The following HTT-AS variants were observed in gnomAD, a reference collection of about 807,000 sequenced individuals.
HTT-AS encodes HTT antisense RNA (head to head).
Position 3,052,396 on chromosome 4 carries a change from C to G in HTT-AS, n.1381-2698G>C, listed in dbSNP as rs536753791. Among the ~76,000 whole-genome samples, 54 of 152,280 alleles carry G rather than the reference C, an allele frequency of 3.5e-4. No homozygotes were observed. In the South Asian group the frequency reaches 0.011, roughly 30 times the overall value. Reference sequence around the variant, plus strand: ...TTAATTAAAAGTAGATATTCTGGCTCTAACAGCCTGGGACTCCTTGGGAAA... The same window carrying G: ...TTAATTAAAAGTAGATATTCTGGCTGTAACAGCCTGGGACTCCTTGGGAAA... On this transcript the variant is annotated intron_variant and non_coding_transcript_variant, in intron 2 of 2. Transcript: ENST00000664062.
intron 2 of HTT-AS, among the ~76,000 whole-genome samples, chr4:3,054,609 T>C (rs568412930): frequency 1.3e-5 from 2 of 152,310 alleles, no homozygotes; most frequent in East Asian, 3.9e-4. Flanking sequence ...ATTAATCTTG[T>C]AAAAGAAATT....
At chr4:3,073,828 G>C (rs1021455998) in intron 1 of HTT-AS, among the ~76,000 whole-genome samples, 17 of 152,094 alleles carry the variant, frequency 1.1e-4, no homozygotes, top group Non-Finnish European at 1.8e-4. Context: ...AGAGAGCCCC[G>C]CAGCTGGCTC....
chr4:3,049,941 CACACACAT>C (rs1560528142), intron 2 of HTT-AS, among the ~76,000 whole-genome samples: 2 of 145,216 alleles, frequency 1.4e-5, no homozygotes, highest in South Asian at 4.3e-4. Context: ...CACACACACA[CACACACAT>C]ATACACTTTT....
chr4:3,052,394 C>T (rs977931593), intron 2 of HTT-AS, among the ~76,000 whole-genome samples: 1 of 152,146 alleles, frequency 6.6e-6, no homozygotes, highest in African/African-American at 2.4e-5. Context: ...GATATTCTGG[C>T]TCTAACAGCC....
At chr4:3,070,601 G>A (rs1177114305) in intron 1 of HTT-AS, among the ~76,000 whole-genome samples, 2 of 152,060 alleles carry the variant, frequency 1.3e-5, no homozygotes, top group Admixed American at 6.6e-5. Flanking sequence ...TCTCTTCTGT[G>A]TATGTGTACG....
At chr4:3,074,029 C>A (rs1283699146) in intron 1 of HTT-AS, among the ~76,000 whole-genome samples, 1 of 147,296 alleles carries the variant, frequency 6.8e-6, no homozygotes, top group East Asian at 2.0e-4. Flanking sequence ...CCGTCCATGG[C>A]CCCGTCCTTC....
downstream of HTT-AS, among the ~76,000 whole-genome samples, chr4:3,046,435 G>T (rs1034284508): frequency 2.0e-5 from 3 of 152,064 alleles, no homozygotes; most frequent in Non-Finnish European, 4.4e-5. Flanking sequence ...CCCAAGTGAG[G>T]ATGTCAGGGT....
chr4:3,057,363 A>T (rs1711824701), intron 2 of HTT-AS, among the ~76,000 whole-genome samples: 1 of 151,940 alleles, frequency 6.6e-6, no homozygotes, highest in African/African-American at 2.4e-5. Context: ...TAGCATAATG[A>T]CCTCAAGGTT....
rs187692375 is a variant in HTT-AS, at chr4:3,050,112, C to T, written n.1381-414G>A. Among the ~76,000 whole-genome samples the T allele has an allele frequency of 2.1e-3, 314 of 152,224 alleles. 1 individual carries two copies. Among genetic ancestry groups the T allele is most frequent in the African/African-American group, 7.1e-3 (295 of 41,530 alleles). On this transcript the variant is annotated intron_variant and non_coding_transcript_variant, in intron 2 of 2. Transcript: ENST00000664062. ...TCACGAAATGCAGAACTTTTAATAA[C>T]AAAAGCTTTAAGGACTCAGGAAGGA...
At chr4:3,048,638 T>C (rs1328062331), downstream of HTT-AS, among the ~76,000 whole-genome samples, 1 of 152,230 alleles carries the variant, frequency 6.6e-6, no homozygotes, top group Non-Finnish European at 1.5e-5. Context: ...TATTTCTCCC[T>C]AGGCCACAGG....
intron 2 of HTT-AS, among the ~76,000 whole-genome samples, chr4:3,049,884 T>A (rs1711666858): frequency 6.6e-6 from 1 of 150,452 alleles, no homozygotes; most frequent in African/African-American, 2.4e-5. Context: ...GGTTATAAAC[T>A]ATTTTAGCAA....
chr4:3,057,595 C>T (rs776140706), intron 2 of HTT-AS, among the ~76,000 whole-genome samples: 3 of 152,118 alleles, frequency 2.0e-5, no homozygotes, highest in African/African-American at 4.8e-5. Flanking sequence ...AGAGCAGCCC[C>T]GATGGCCGCT....
chr4:3,056,051 G>T (rs767128920), intron 2 of HTT-AS, among the ~76,000 whole-genome samples: 1 of 152,120 alleles, frequency 6.6e-6, no homozygotes, highest in Non-Finnish European at 1.5e-5. Context: ...TCCAAGAGAG[G>T]ACTTATCCAT....
exon 3 of HTT-AS, among the ~76,000 whole-genome samples, chr4:3,049,332 G>A (rs1172836280): frequency 4.6e-5 from 7 of 152,122 alleles, no homozygotes; most frequent in Non-Finnish European, 7.3e-5. Context: ...GCTGAGGTAT[G>A]AGAATCGCTT....
At chr4:3,057,209 A>G (rs2110121583) in intron 2 of HTT-AS, among the ~76,000 whole-genome samples, 1 of 151,888 alleles carries the variant, frequency 6.6e-6, no homozygotes. Flanking sequence ...AATTTTTTGT[A>G]TCTTTAGTAG....
At chr4:3,062,683 ACTGCTGAGGGTAAGTG>A (rs1428235924) in exon 2 of HTT-AS, among the ~76,000 whole-genome samples, 2 of 151,822 alleles carry the variant, frequency 1.3e-5, no homozygotes, top group African/African-American at 4.8e-5. Flanking sequence ...ACCACTGTGC[ACTGCTGAGGGTAAGTG>A]CGGTTCTCTG....
chr4:3,046,792 C>T (rs1270470660), downstream of HTT-AS, among the ~76,000 whole-genome samples: 1 of 152,206 alleles, frequency 6.6e-6, no homozygotes, highest in Non-Finnish European at 1.5e-5. Context: ...GATTATGTCA[C>T]ATTTAGCATG....
At chr4:3,059,176 C>T (rs1711867212) in intron 2 of HTT-AS, among the ~76,000 whole-genome samples, 1 of 152,200 alleles carries the variant, frequency 6.6e-6, no homozygotes, top group African/African-American at 2.4e-5. Context: ...AGCTGTGTCT[C>T]AGCCAGTTCC....
intron 2 of HTT-AS, among the ~76,000 whole-genome samples, chr4:3,060,324 T>G (rs1322571142): frequency 6.6e-6 from 1 of 152,164 alleles, no homozygotes; most frequent in East Asian, 1.9e-4. Flanking sequence ...TTTACACATT[T>G]TAAAGCATCT....
Sources: allele counts gnomAD v4.1 joint callset (sites outside exome capture counted in the v4.1 genomes callset), GRCh38; gene constraint gnomAD v4.1.1; transcripts MANE v1.5; gene names NCBI Gene and HGNC (gene_info 2026-07-23, HGNC 2026-07-21).